RAB11FIP4: variants seen among roughly 807,000 people sequenced by gnomAD.
The protein encoded by RAB11FIP4 is rab11 family-interacting protein 4.
A neutral mutation model predicts 74.3 loss-of-function variants in RAB11FIP4; 23 were observed. The ratio of observed to expected loss-of-function variants is 0.31; its 90% CI spans 0.22 to 0.44. The LOEUF (loss-of-function observed/expected upper bound fraction) is 0.44. Ranked by LOEUF, RAB11FIP4 falls within the 20% of genes least tolerant of loss-of-function variation. The pLI is 1.00. For synonymous variants in RAB11FIP4, 360 were observed against 359.9 expected (o/e 1.00, Z 0.00); for missense variants, 630 against 863.9 (o/e 0.73, Z 3.39).
intron 3 of RAB11FIP4, among the ~76,000 whole-genome samples, chr17:31,497,043 C>T (rs908014295): frequency 1.3e-5 from 2 of 152,312 alleles, no homozygotes; most frequent in East Asian, 1.9e-4. Context: ...TTAGCAGATG[C>T]GTGCTTTCCT....
rs868431156 is a variant in RAB11FIP4, at chr17:31,523,386, G to A, written c.930-126G>A. ...GGCAACATTCTTCCTCTCAGGCTGA[G>A]TGAGGGCAGCCTCCTTAAAGGGGCA... On this transcript the variant is annotated intron_variant, in intron 7 of 14. Coordinates refer to ENST00000621161, the MANE Select transcript of RAB11FIP4 (RefSeq NM_032932.6). 109 of 761,788 alleles carry A rather than the reference G, an allele frequency of 1.4e-4. 2 individuals carry two copies. The African/African-American group carries it at 1.6e-3, about 11-fold the overall frequency. The allele number at this position is 761,788 out of a possible 1,614,324, so 47.2% of individuals were successfully genotyped here.
At chr17:31,504,167 G>T (rs2072273096) in intron 3 of RAB11FIP4, among the ~76,000 whole-genome samples, 3 of 135,556 alleles carry the variant, frequency 2.2e-5, no homozygotes, top group Admixed American at 1.5e-4. Context: ...GTCTCGCTCT[G>T]TCACCCAGGC....
At chr17:31,434,994 T>C (rs944230191) in intron 3 of RAB11FIP4, among the ~76,000 whole-genome samples, 1 of 147,470 alleles carries the variant, frequency 6.8e-6, no homozygotes, top group African/African-American at 2.5e-5. Flanking sequence ...GAGAGCAGCC[T>C]GGGCAAGATG....
At chr17:31,416,462 C>T (rs919588969) in intron 1 of RAB11FIP4, among the ~76,000 whole-genome samples, 5 of 152,212 alleles carry the variant, frequency 3.3e-5, no homozygotes, top group Non-Finnish European at 7.4e-5. Context: ...AAGTTCTTGC[C>T]TGGCTCCCTT....
At chr17:31,403,503 T>C (rs759622881) in intron 1 of RAB11FIP4, among the ~76,000 whole-genome samples, 1 of 152,044 alleles carries the variant, frequency 6.6e-6, no homozygotes, top group Non-Finnish European at 1.5e-5. Context: ...TTTGTATTTT[T>C]AGTAGAAACG....
intron 3 of RAB11FIP4, among the ~76,000 whole-genome samples, chr17:31,504,555 A>C (rs1328944372): frequency 2.0e-5 from 3 of 152,234 alleles, no homozygotes; most frequent in Non-Finnish European, 4.4e-5. Context: ...GGCGTGAGCC[A>C]CCGTGCCTGT....
intron 3 of RAB11FIP4, among the ~76,000 whole-genome samples, chr17:31,502,405 C>A (rs191843478): frequency 1.1e-4 from 16 of 150,858 alleles, no homozygotes; most frequent in Non-Finnish European, 1.3e-4. Flanking sequence ...ATGGTGAAAC[C>A]CCATCTCTAC....
At position 31,528,540 on chromosome 17, in the gene RAB11FIP4, G is replaced by A; in HGVS notation, c.1491G>A (p.Gln497=). 1.2e-6 allele frequency: 2 copies of A among 1,613,848 alleles called. No individual in the cohort carries two copies. Among genetic ancestry groups the A allele is most frequent in the Non-Finnish European group, 1.7e-6 (2 of 1,180,026 alleles). The change falls in exon 12 of 15, where the codon CAG becomes CAA. Residue 497 remains glutamine (Q), a synonymous_variant. Coordinates refer to ENST00000621161, the MANE Select transcript of RAB11FIP4 (RefSeq NM_032932.6). ...TCCAGAAGGAGCGGGAGGCGACGCA[G>A]GAGGTAGGTCCCAGGCCAGCAGGCA... is the stretch of plus-strand genomic sequence containing the variant. ...LEFQKEREAT[Q]ELIEDLRKEL...
intron 1 of RAB11FIP4, among the ~76,000 whole-genome samples, chr17:31,418,128 C>T (rs1410498552): frequency 6.6e-6 from 1 of 152,158 alleles, no homozygotes; most frequent in Non-Finnish European, 1.5e-5. Context: ...TGGCTCATGC[C>T]TGTAATCCCA....
rs1342681361 is a variant in RAB11FIP4 at position 31,512,712 on chromosome 17, G to A, written c.337-4939G>A. ...TGCTGCCTCCTGAGGATACCACACT[G>A]TCCCTTCCCCAAAGGCCCCCAAAAG... is the stretch of plus-strand genomic sequence containing the variant. On this transcript the variant is annotated intron_variant, in intron 3 of 14. Coordinates refer to ENST00000621161, the MANE Select transcript of RAB11FIP4 (RefSeq NM_032932.6). The surrounding 1 kb of genome is among the most constrained non-coding windows in gnomAD (Gnocchi z 4.1). Among the ~76,000 whole-genome samples, 1 of 152,112 alleles carries A rather than the reference G, an allele frequency of 6.6e-6. No homozygotes were observed. The highest frequency in any genetic ancestry group is 2.4e-5 in the African/African-American group (1 of 41,404).
intron 1 of RAB11FIP4, among the ~76,000 whole-genome samples, chr17:31,404,641 T>C (rs2071026277): frequency 6.6e-6 from 1 of 152,218 alleles, no homozygotes; most frequent in South Asian, 2.1e-4. Context: ...ATCCACTCTT[T>C]TACAGATTTT....
chr17:31,438,134 C>T (rs1423241618), intron 3 of RAB11FIP4, among the ~76,000 whole-genome samples: 1 of 152,082 alleles, frequency 6.6e-6, no homozygotes, highest in African/African-American at 2.4e-5. Context: ...CCCTGGGAGT[C>T]CCTCTGAGAC....
At chr17:31,463,134 C>A (rs2071649051) in intron 3 of RAB11FIP4, among the ~76,000 whole-genome samples, 1 of 152,210 alleles carries the variant, frequency 6.6e-6, no homozygotes, top group Admixed American at 6.5e-5. Context: ...CACATTGTAA[C>A]CACCAGAGCA....
chr17:31,505,586 TAATTATA>T (rs2072321101), intron 3 of RAB11FIP4, among the ~76,000 whole-genome samples: 1 of 77,270 alleles, frequency 1.3e-5, no homozygotes, highest in African/African-American at 5.1e-5. Flanking sequence ...TATATAATAA[TAATTATA>T]TATTATATAA....
At chr17:31,396,183 CAA>C (rs55991343) in intron 1 of RAB11FIP4, among the ~76,000 whole-genome samples, 120 of 122,532 alleles carry the variant, frequency 9.8e-4, no homozygotes, top group Middle Eastern at 4.1e-3. Flanking sequence ...GACCCTGCCA[CAA>C]AAAAAAAAAA....
chr17:31,522,463 T>G, intron 7 of RAB11FIP4, 68 bp downstream of exon 7: 1 of 1,497,492 alleles, frequency 6.7e-7, no homozygotes, highest in Non-Finnish European at 9.2e-7. Context: ...CGGGGCTCCC[T>G]GCCAGCAGCC....
chr17:31,395,275 A>T (rs1476757873), intron 1 of RAB11FIP4, among the ~76,000 whole-genome samples: 1 of 152,212 alleles, frequency 6.6e-6, no homozygotes, highest in Non-Finnish European at 1.5e-5. Context: ...AATCTCTCGT[A>T]TAGAAGAAAT....
intron 3 of RAB11FIP4, among the ~76,000 whole-genome samples, chr17:31,439,475 G>A (rs2071389299): frequency 6.6e-6 from 1 of 152,162 alleles, no homozygotes; most frequent in African/African-American, 2.4e-5. Flanking sequence ...TAGGGAGGCG[G>A]ACCATCTTTT....
At chr17:31,447,419 T>C (rs2071477790) in intron 3 of RAB11FIP4, among the ~76,000 whole-genome samples, 1 of 152,250 alleles carries the variant, frequency 6.6e-6, no homozygotes, top group African/African-American at 2.4e-5. Context: ...GAGCCGTTTG[T>C]GCGACAGCAC....
Sources: gnomAD v4.1 joint callset for allele counts (sites outside exome capture counted in the v4.1 genomes callset) on GRCh38, gnomAD v4.1.1 for gene constraint, Gnocchi (gnomAD v3.1) non-coding constraint, MANE v1.5 for transcripts, NCBI Gene and HGNC (gene_info 2026-07-23, HGNC 2026-07-21) for gene names.